The following SCFD2 variants were observed in gnomAD, a reference collection of about 807,000 sequenced individuals.
SCFD2 encodes the protein sec1 family domain-containing protein 2.
SCFD2 carries 54 observed loss-of-function variants against 58.9 expected under a neutral mutation model. The ratio of observed to expected loss-of-function variants is 0.92; its 90% CI spans 0.74 to 1.15. SCFD2 has a LOEUF of 1.15. Among genes scored for constraint, SCFD2 ranks in the 50% most tolerant of loss-of-function variants. SCFD2 has a pLI of 0.00. For missense variants in SCFD2, 805 were observed against 836.6 expected, an observed-to-expected ratio of 0.96 and a Z score of 0.47; for synonymous variants, 321 against 335.9, an observed-to-expected ratio of 0.96 and a Z score of 0.49.
At chr4:53,204,229 A>G (rs1728338630) in intron 4 of SCFD2, among the ~76,000 whole-genome samples, 1 of 152,098 alleles carries the variant, frequency 6.6e-6, no homozygotes, top group Non-Finnish European at 1.5e-5. Context: ...GAACTATCCA[A>G]TATCTGCAGA....
chr4:52,940,644 T>C (rs1037333409), intron 5 of SCFD2, among the ~76,000 whole-genome samples: 1 of 152,176 alleles, frequency 6.6e-6, no homozygotes, highest in African/African-American at 2.4e-5. Flanking sequence ...GCTCGTAAGT[T>C]CGGATTTCAG....
chr4:52,898,978 C>G (rs1577809319), intron 7 of SCFD2, among the ~76,000 whole-genome samples: 1 of 152,178 alleles, frequency 6.6e-6, no homozygotes, highest in East Asian at 1.9e-4. Context: ...CAACCCTTGC[C>G]TTTTTTTGTT....
At chr4:53,292,482 C>CA (rs1316733688) in intron 3 of SCFD2, among the ~76,000 whole-genome samples, 3 of 152,178 alleles carry the variant, frequency 2.0e-5, no homozygotes, top group African/African-American at 7.2e-5. Flanking sequence ...TAGAGGAATG[C>CA]AAATCAAAAC....
At chr4:53,356,918 T>C (rs984940371) in intron 1 of SCFD2, among the ~76,000 whole-genome samples, 3 of 151,928 alleles carry the variant, frequency 2.0e-5, no homozygotes, top group Admixed American at 6.6e-5. Context: ...TTGTATTTTT[T>C]AGTAGAGACA....
Position 53,248,900 on chromosome 4 carries a change from C to G in SCFD2, c.1311+24926G>C, listed in dbSNP as rs553597798. Among the ~76,000 whole-genome samples the G allele has an allele frequency of 2.5e-3, 387 of 152,334 alleles. 2 individuals are homozygous for G. Among genetic ancestry groups the G allele is most frequent in the Middle Eastern group, 0.014 (4 of 294 alleles). On this transcript the variant is annotated intron_variant, in intron 4 of 8. Transcript: ENST00000401642. ...CGAAATTCTAAAAAGCAGAGCGCCT[C>G]TCCTCCTCCAAAGGAACGCAGTTCC...
At chr4:53,321,406 A>G (rs1022214729) in intron 2 of SCFD2, among the ~76,000 whole-genome samples, 1 of 152,168 alleles carries the variant, frequency 6.6e-6, no homozygotes, top group South Asian at 2.1e-4. Context: ...TGATACTTCA[A>G]TCAAGTAGAA....
intron 2 of SCFD2, among the ~76,000 whole-genome samples, chr4:53,316,249 T>A (rs1178979191): frequency 6.6e-6 from 1 of 152,188 alleles, no homozygotes; most frequent in Non-Finnish European, 1.5e-5. Flanking sequence ...TCATAAAAGG[T>A]GGGGTCCTTC....
chr4:53,075,568 T>C (rs892837471), intron 5 of SCFD2, among the ~76,000 whole-genome samples: 5 of 152,200 alleles, frequency 3.3e-5, no homozygotes, highest in African/African-American at 1.2e-4. Flanking sequence ...GGACATGTCA[T>C]CTTTTCACTT....
At chr4:53,110,632 A>G (rs1404319133) in intron 5 of SCFD2, among the ~76,000 whole-genome samples, 2 of 152,252 alleles carry the variant, frequency 1.3e-5, no homozygotes, top group East Asian at 1.9e-4. Context: ...CAAAACCACA[A>G]TGAGATACCA....
Position 53,128,719 on chromosome 4 carries a change from T to C in SCFD2, c.1561+16614A>G, listed in dbSNP as rs1427979224. On this transcript the variant is annotated intron_variant, in intron 5 of 8. Transcript: ENST00000401642. The stretch of plus-strand genomic sequence containing the variant: ...TAAAGCATCCTACATTTTTAAAATA[T>C]ATGAAAATATGTGCTTCACTTGTTA... Among the ~76,000 whole-genome samples the C allele has an allele frequency of 2.0e-5, 3 of 152,230 alleles. No homozygotes were observed. In the South Asian group the frequency reaches 6.2e-4, roughly 31 times the overall value.
chr4:52,911,220 A>C (rs1719478370), intron 6 of SCFD2, among the ~76,000 whole-genome samples: 1 of 152,150 alleles, frequency 6.6e-6, no homozygotes, highest in South Asian at 2.1e-4. Flanking sequence ...GGGTGATAGG[A>C]TTTGTTCTCA....
chr4:53,028,535 T>C (rs1352264295), intron 5 of SCFD2, among the ~76,000 whole-genome samples: 2 of 152,180 alleles, frequency 1.3e-5, no homozygotes, highest in African/African-American at 4.8e-5. Flanking sequence ...GATTTCCTCA[T>C]ATTATGGCTC....
At chr4:53,362,874 G>T (rs1349056898) in intron 1 of SCFD2, among the ~76,000 whole-genome samples, 1 of 152,226 alleles carries the variant, frequency 6.6e-6, no homozygotes, top group Non-Finnish European at 1.5e-5. Flanking sequence ...GTTGGCGTTA[G>T]TGGCAGGGAC....
In SCFD2 at chr4:52,952,911, G is replaced by A. The variant is rs567032989; in HGVS notation, c.1562-32041C>T. Among the ~76,000 whole-genome samples the A allele has an allele frequency of 2.6e-5, 4 of 152,294 alleles. No individual in the cohort carries two copies. In the South Asian group the frequency reaches 8.3e-4, roughly 32 times the overall value. ...AGTCACCAAACAGAAGGGAACCAGTGATAAAATGAATGCTAACATCTTGAA... is the reference window on the plus strand; with the variant it reads ...AGTCACCAAACAGAAGGGAACCAGTAATAAAATGAATGCTAACATCTTGAA... On this transcript the variant is annotated intron_variant, in intron 5 of 8. Transcript: ENST00000401642.
intron 4 of SCFD2, among the ~76,000 whole-genome samples, chr4:53,256,475 G>C (rs1217899270): frequency 2.6e-5 from 4 of 151,606 alleles, no homozygotes; most frequent in Non-Finnish European, 4.4e-5. Flanking sequence ...TCCCAGACGG[G>C]GTGGCGGCCG....
At chr4:53,087,586 G>C (rs1203620239) in intron 5 of SCFD2, among the ~76,000 whole-genome samples, 9 of 152,006 alleles carry the variant, frequency 5.9e-5, no homozygotes, top group Non-Finnish European at 1.2e-4. Context: ...GCCTGCCTTG[G>C]CTTCCCAAAG....
chr4:52,935,431 G>C (rs1199577054), intron 5 of SCFD2, among the ~76,000 whole-genome samples: 1 of 152,200 alleles, frequency 6.6e-6, no homozygotes, highest in African/African-American at 2.4e-5. Context: ...CCTGTTCTAG[G>C]AAGACCTCTA....
chr4:52,928,181 T>TA (rs1425198186), intron 5 of SCFD2, among the ~76,000 whole-genome samples: 2 of 151,654 alleles, frequency 1.3e-5, no homozygotes, highest in Non-Finnish European at 2.9e-5. Flanking sequence ...CAAAAAAATT[T>TA]AAAAAAATAG....
At chr4:52,932,901 T>C (rs1180943258) in intron 5 of SCFD2, among the ~76,000 whole-genome samples, 3 of 152,158 alleles carry the variant, frequency 2.0e-5, no homozygotes, top group Non-Finnish European at 4.4e-5. Context: ...CTCTATTTTC[T>C]TTTGGAGGCA....
Sources: allele counts gnomAD v4.1 joint callset (sites outside exome capture counted in the v4.1 genomes callset), GRCh38; gene constraint gnomAD v4.1.1; transcripts MANE v1.5; gene names NCBI Gene and HGNC (gene_info 2026-07-23, HGNC 2026-07-21).